ASTN1: variants seen among roughly 807,000 people sequenced by gnomAD.
The protein encoded by ASTN1 is astrotactin 1, also known as astrotactin-1.
A neutral mutation model predicts 140.7 loss-of-function variants in ASTN1; 41 were observed. The ratio of observed to expected loss-of-function variants is 0.29; its 90% CI spans 0.23 to 0.38. ASTN1 has a LOEUF of 0.38. Ranked by LOEUF, ASTN1 falls within the 10% of genes least tolerant of loss-of-function variation. ASTN1 has a pLI of 1.00. For missense variants in ASTN1, 1,479 were observed against 1,678.8 expected (o/e 0.88, Z 2.08); for synonymous variants, 640 against 652.2 (o/e 0.98, Z 0.29).
chr1:177,067,884 C>T (rs775153439), intron 1 of ASTN1, among the ~76,000 whole-genome samples: 8 of 151,636 alleles, frequency 5.3e-5, no homozygotes. Flanking sequence ...GAGACTAACC[C>T]GGGAAACAAT....
At chr1:176,908,300 C>T (rs1466378587) in intron 16 of ASTN1, among the ~76,000 whole-genome samples, 5 of 152,292 alleles carry the variant, frequency 3.3e-5, no homozygotes, top group Admixed American at 2.0e-4. Context: ...GAGGCTCACA[C>T]ACCCACTGGC....
At chr1:177,037,254 C>G (rs544635510) in intron 2 of ASTN1, among the ~76,000 whole-genome samples, 4 of 152,044 alleles carry the variant, frequency 2.6e-5, no homozygotes, top group African/African-American at 9.7e-5. Flanking sequence ...GGAAAGAAAC[C>G]CTAGGCCAAA....
chr1:176,880,556 C>T (rs1668752435), intron 20 of ASTN1, among the ~76,000 whole-genome samples: 1 of 152,204 alleles, frequency 6.6e-6, no homozygotes, highest in Non-Finnish European at 1.5e-5. Flanking sequence ...ACTTTAAGGT[C>T]TCTTTCAAGT....
chr1:176,931,256 C>A (rs143323528), intron 16 of ASTN1, among the ~76,000 whole-genome samples: 1 of 152,058 alleles, frequency 6.6e-6, no homozygotes. Flanking sequence ...CACCTGAGGT[C>A]GGGAGTTCGA....
intron 8 of ASTN1, chr1:176,976,604 A>C (rs1306297194): frequency 6.6e-6 from 1 of 152,248 alleles, no homozygotes; most frequent in Non-Finnish European, 1.5e-5. Context: ...AACTTCATGC[A>C]ACTGATACAG....
At position 176,861,423 on chromosome 1, in the gene ASTN1, TTAAGACCTG is replaced by T; in HGVS notation, c.*2852_*2860del. The T allele has an allele frequency of 2.0e-6, 2 of 985,840 alleles. No homozygotes were observed. Among genetic ancestry groups the T allele is most frequent in the Non-Finnish European group, 2.4e-6 (2 of 829,928 alleles). The allele number at this position is 985,840 out of a possible 1,614,324, so 61.1% of individuals were successfully genotyped here. On this transcript the variant is annotated 3_prime_UTR_variant, in exon 23 of 23. Coordinates refer to ENST00000361833, the MANE Select transcript of ASTN1 (RefSeq NM_004319.3). ...TGTTGGTGGGATATAAGCACCTCCC[TTAAGACCTG>T]TTTGGCAGCTTGAAAACTCAAGGTT... is the stretch of plus-strand genomic sequence containing the variant.
At chr1:176,911,700 G>A (rs1455136651) in intron 16 of ASTN1, among the ~76,000 whole-genome samples, 3 of 152,090 alleles carry the variant, frequency 2.0e-5, no homozygotes, top group Non-Finnish European at 2.9e-5. Context: ...GCCATCTTCT[G>A]AACTACCTCC....
At chr1:176,890,851 C>T (rs868222536) in intron 17 of ASTN1, among the ~76,000 whole-genome samples, 4 of 152,156 alleles carry the variant, frequency 2.6e-5, no homozygotes, top group Middle Eastern at 6.8e-3. Context: ...TGTGGCAAAA[C>T]CTCATCTCTA....
intron 1 of ASTN1, among the ~76,000 whole-genome samples, chr1:177,162,745 A>G (rs1647458688): frequency 1.3e-5 from 2 of 152,188 alleles, no homozygotes; most frequent in Admixed American, 6.5e-5. Flanking sequence ...TTTATATACT[A>G]TGATGAACAG....
intron 16 of ASTN1, among the ~76,000 whole-genome samples, chr1:176,924,178 G>A (rs1670856583): frequency 1.3e-5 from 2 of 152,076 alleles, no homozygotes; most frequent in South Asian, 4.1e-4. Context: ...CCCCATCCAG[G>A]GATCTAGGCT....
At chr1:177,037,284 C>T (rs1388702933) in intron 2 of ASTN1, among the ~76,000 whole-genome samples, 2 of 152,122 alleles carry the variant, frequency 1.3e-5, no homozygotes, top group African/African-American at 4.8e-5. Flanking sequence ...TGGAAGCATC[C>T]TGATAGCCAA....
intron 8 of ASTN1, among the ~76,000 whole-genome samples, chr1:176,967,446 G>A (rs751433410): frequency 2.0e-5 from 3 of 152,084 alleles, no homozygotes; most frequent in Non-Finnish European, 4.4e-5. Flanking sequence ...AAAGAGGGAC[G>A]TGCAATTTTA....
chr1:177,096,960 T>A (rs1029572039), intron 1 of ASTN1, among the ~76,000 whole-genome samples: 1 of 152,064 alleles, frequency 6.6e-6, no homozygotes, highest in Admixed American at 6.6e-5. Flanking sequence ...AACTAAGAAA[T>A]GGCCCTCACT....
chr1:177,014,557 C>T (rs1480769182), intron 8 of ASTN1, among the ~76,000 whole-genome samples: 1 of 152,128 alleles, frequency 6.6e-6, no homozygotes, highest in Non-Finnish European at 1.5e-5. Flanking sequence ...TTTTCAGATC[C>T]CAGCTGGAAG....
Position 176,946,687 on chromosome 1 carries a change from C to T in ASTN1, c.2055-567G>A, listed in dbSNP as rs561576733. On this transcript the variant is annotated intron_variant, in intron 12 of 22. Transcript: ENST00000361833. Reference sequence around the variant, plus strand: ...AACACAATATCAACCCATAAAAACTCCTCCTCCATTAGGAGTAGCCTTCCT... The same window carrying T: ...AACACAATATCAACCCATAAAAACTTCTCCTCCATTAGGAGTAGCCTTCCT... Among the ~76,000 whole-genome samples the T allele has an allele frequency of 7.2e-5, 11 of 152,284 alleles. 1 individual carries two copies. The East Asian group carries it at 1.9e-3, about 27-fold the overall frequency.
At chr1:176,949,393 G>A (rs759999042) in intron 11 of ASTN1, 42 bp from the exon 12 acceptor site, 21 of 1,584,070 alleles carry the variant, frequency 1.3e-5, no homozygotes, top group Middle Eastern at 1.7e-4. Context: ...GGTGAATCGG[G>A]GAACTGAGTT....
Position 177,029,756 on chromosome 1 carries a change from G to A in ASTN1, c.1013-15C>T, listed in dbSNP as rs374581596. ...GGCGGAACCAGCTGTAATGAAAGCA[G>A]CATGGTCAAGAAAGCGTTTTCAGTT... On this transcript the variant is annotated splice_polypyrimidine_tract_variant and intron_variant, in intron 4 of 22. Coordinates refer to ENST00000361833, the MANE Select transcript of ASTN1 (RefSeq NM_004319.3). 4.7e-5 allele frequency: 76 copies of A among 1,601,732 alleles called. No individual in the cohort carries two copies. Among genetic ancestry groups the A allele is most frequent in the Admixed American group, 1.2e-4 (7 of 59,024 alleles).
At chr1:177,071,439 G>C (rs1678630142) in intron 1 of ASTN1, among the ~76,000 whole-genome samples, 1 of 152,188 alleles carries the variant, frequency 6.6e-6, no homozygotes, top group South Asian at 2.1e-4. Flanking sequence ...AGTAAACTGA[G>C]TCCTTCTCTG....
intron 4 of ASTN1, 47 bp downstream of exon 4, chr1:177,030,759 C>T (rs776066126): frequency 6.2e-7 from 1 of 1,609,798 alleles, no homozygotes; most frequent in East Asian, 2.2e-5. Flanking sequence ...CTGCCTCTAC[C>T]AATATGAAGG....
Sources: gnomAD v4.1 joint callset for allele counts (sites outside exome capture counted in the v4.1 genomes callset) on GRCh38, gnomAD v4.1.1 for gene constraint, MANE v1.5 for transcripts, NCBI Gene and HGNC (gene_info 2026-07-23, HGNC 2026-07-21) for gene names.